HNRNPA3: variants seen among roughly 807,000 people sequenced by gnomAD.
HNRNPA3 encodes the protein heterogeneous nuclear ribonucleoprotein A3.
A neutral mutation model predicts 45.8 loss-of-function variants in HNRNPA3; 3 were observed. The observed-to-expected ratio is 0.07, with a 90% CI of 0.03 to 0.17. The LOEUF (loss-of-function observed/expected upper bound fraction) is 0.17, where lower values mean the gene tolerates loss of function less well. HNRNPA3 is among the 10% of genes least tolerant of loss of function. The pLI is 1.00. For synonymous variants in HNRNPA3, 170 were observed against 155.6 expected, an observed-to-expected ratio of 1.09 and a Z score of -0.69; for missense variants, 183 against 480.3, an observed-to-expected ratio of 0.38 and a Z score of 5.79.
chr2:177,219,137 A>C (rs1435391097), exon 9 of HNRNPA3: 1 of 1,614,128 alleles, frequency 6.2e-7, no homozygotes, highest in Non-Finnish European at 8.5e-7. Flanking sequence ...TTGGTGGAAG[A>C]AGCTCGGGCA....
chr2:177,221,802 TATG>T (rs1157993728), downstream of HNRNPA3: 1 of 152,636 alleles, frequency 6.6e-6, no homozygotes, highest in Non-Finnish European at 1.5e-5. Flanking sequence ...CATAAGATAC[TATG>T]ATGATAGTGA....
downstream of HNRNPA3, chr2:177,223,216 GA>G (rs1368630031): frequency 6.6e-6 from 1 of 152,140 alleles, no homozygotes; most frequent in Middle Eastern, 3.2e-3. Flanking sequence ...TACGCGTGTT[GA>G]ATAAGGTAAC....
chr2:177,216,487 T>C lies in HNRNPA3; in HGVS notation c.554-16T>C, dbSNP rs748149344. 5 of 1,597,788 alleles carry C rather than the reference T, an allele frequency of 3.1e-6. No homozygotes were observed. In the South Asian group the frequency reaches 4.4e-5, roughly 14 times the overall value. ...TAAAATAACTTTTTGTTTTGTTTGA[T>C]TGAAAAAAAATTTAGTTCAGAAATA... On this transcript the variant is annotated splice_polypyrimidine_tract_variant and intron_variant, in intron 4 of 10. Transcript: ENST00000392524.
intron 7 of HNRNPA3, 40 bp from the exon 8 acceptor site, chr2:177,217,665 T>C (rs1205162416): frequency 6.2e-7 from 1 of 1,611,112 alleles, no homozygotes; most frequent in Non-Finnish European, 8.5e-7. Context: ...GACTATACAC[T>C]TAAGTTTTTG....
downstream of HNRNPA3, chr2:177,220,827 C>T (rs549403840): frequency 6.6e-6 from 1 of 152,522 alleles, no homozygotes; most frequent in Non-Finnish European, 1.5e-5. Flanking sequence ...GTCATATATA[C>T]ATATATTAAT....
In HNRNPA3 at chr2:177,215,901, T is replaced by G. The variant is rs751969708; in HGVS notation, c.342+5T>G. ...AAGAGAGCTGTTTCTAGAGAGGTAT[T>G]TTAATAATACATTGTGTAATATGTG... On this transcript the variant is annotated splice_donor_5th_base_variant and intron_variant, in intron 3 of 10. Transcript: ENST00000392524. 24 of 1,596,708 alleles carry G rather than the reference T, an allele frequency of 1.5e-5. No individual in the cohort carries two copies. Among genetic ancestry groups the G allele is most frequent in the African/African-American group, 2.7e-5 (2 of 73,496 alleles).
exon 9 of HNRNPA3, chr2:177,219,076 A>G: frequency 6.2e-7 from 1 of 1,614,154 alleles, no homozygotes; most frequent in Non-Finnish European, 8.5e-7. Flanking sequence ...GATTTTGGAA[A>G]TTATAGTGGA....
At chr2:177,218,031 A>C (rs893597287) in intron 8 of HNRNPA3, among the ~76,000 whole-genome samples, 186 bp downstream of exon 8, 1 of 149,598 alleles carries the variant, frequency 6.7e-6, no homozygotes, top group Non-Finnish European at 1.5e-5. Flanking sequence ...AAATGTACAA[A>C]TGTACTCAGC....
At chr2:177,221,163 G>A (rs1272212217), downstream of HNRNPA3, 1 of 152,576 alleles carries the variant, frequency 6.6e-6, no homozygotes. Context: ...ATTTGTTAAT[G>A]GGCATATATG....
rs150012936 is a variant in HNRNPA3 at position 177,215,743 on chromosome 2, T to G, written c.196-7T>G. The G allele has an allele frequency of 6.9e-3, 11,154 of 1,610,762 alleles. 54 individuals carry two copies. Among genetic ancestry groups the G allele is most frequent in the Non-Finnish European group, 8.0e-3 (9,456 of 1,179,022 alleles). ...TTTTCAACGTTATAAAACTTTTTAT[T>G]TTGTAGGTAATGAGAGACCCCCAAA... On this transcript the variant is annotated splice_polypyrimidine_tract_variant and splice_region_variant and intron_variant, in intron 2 of 10. Coordinates refer to ENST00000392524, the Ensembl canonical transcript of HNRNPA3.
At chr2:177,214,168 C>G (rs1023218455) in intron 1 of HNRNPA3, among the ~76,000 whole-genome samples, 6 of 152,182 alleles carry the variant, frequency 3.9e-5, no homozygotes, top group Non-Finnish European at 8.8e-5. Flanking sequence ...AAGTATAAAA[C>G]AATTTCAAGA....
intron 1 of HNRNPA3, among the ~76,000 whole-genome samples, chr2:177,215,307 C>G (rs1162572467): frequency 1.3e-5 from 2 of 152,124 alleles, no homozygotes; most frequent in Non-Finnish European, 2.9e-5. Flanking sequence ...GTTGGCCAGG[C>G]TGGTCTCGAA....
chr2:177,216,055 T>C, exon 4 of HNRNPA3: 1 of 1,569,192 alleles, frequency 6.4e-7, no homozygotes, highest in Non-Finnish European at 8.7e-7. Context: ...CAGAAGAATA[T>C]AATTTGAGAG....
At chr2:177,215,859 G>C in exon 3 of HNRNPA3, 3 of 1,601,576 alleles carry the variant, frequency 1.9e-6, no homozygotes, top group Non-Finnish European at 2.5e-6. Flanking sequence ...AAGGTTGATG[G>C]GCGTGTAGTG....
chr2:177,218,147 C>T (rs576588810), intron 8 of HNRNPA3, among the ~76,000 whole-genome samples: 5 of 148,140 alleles, frequency 3.4e-5, no homozygotes, highest in South Asian at 2.1e-4. Flanking sequence ...TTGCAATCTC[C>T]GCCTCCCGGG....
chr2:177,212,917 G>C, intron 1 of HNRNPA3, 46 bp downstream of exon 1: 2 of 1,257,736 alleles, frequency 1.6e-6, no homozygotes, highest in South Asian at 2.9e-5. Flanking sequence ...GCCGGCGTTG[G>C]GGGCCTGGTT....
At chr2:177,213,603 T>C (rs1304248957) in intron 1 of HNRNPA3, among the ~76,000 whole-genome samples, 1 of 152,260 alleles carries the variant, frequency 6.6e-6, no homozygotes, top group Admixed American at 6.5e-5. Context: ...ACATTACACT[T>C]CTTAAACCGC....
intron 1 of HNRNPA3, among the ~76,000 whole-genome samples, chr2:177,213,757 T>C (rs1688795973): frequency 6.6e-6 from 1 of 152,240 alleles, no homozygotes; most frequent in African/African-American, 2.4e-5. Flanking sequence ...TTTAGAAATG[T>C]TTTTTATCTT....
intron 1 of HNRNPA3, among the ~76,000 whole-genome samples, chr2:177,215,178 C>T (rs1688879210): frequency 6.6e-6 from 1 of 152,110 alleles, no homozygotes; most frequent in Non-Finnish European, 1.5e-5. Flanking sequence ...TCTTGGCTCA[C>T]CGCAACCTCC....
Sources: allele counts gnomAD v4.1 joint callset (sites outside exome capture counted in the v4.1 genomes callset), GRCh38; gene constraint gnomAD v4.1.1; transcripts MANE v1.5; gene names NCBI Gene and HGNC (gene_info 2026-07-23, HGNC 2026-07-21).